ASXL1: variants seen among roughly 807,000 people sequenced by gnomAD.
The protein encoded by ASXL1 is polycomb group protein ASXL1.
ASXL1 carries 65 observed loss-of-function variants against 89.1 expected under a neutral mutation model. The observed-to-expected ratio is 0.73, with a 90% CI of 0.60 to 0.90. The LOEUF (loss-of-function observed/expected upper bound fraction) is 0.90, where lower values mean the gene tolerates loss of function less well. Ranked by LOEUF, ASXL1 falls within the 40% of genes least tolerant of loss-of-function variation. ASXL1 has a pLI of 0.00. For synonymous variants in ASXL1, 739 were observed against 746.9 expected (o/e 0.99, Z 0.17); for missense variants, 1,786 against 1,942.9 (o/e 0.92, Z 1.52).
At chr20:32,389,578 C>T (rs2048636621) in intron 4 of ASXL1, among the ~76,000 whole-genome samples, 1 of 152,094 alleles carries the variant, frequency 6.6e-6, no homozygotes, top group Non-Finnish European at 1.5e-5. Context: ...TACCACCGCC[C>T]CCCTGCCCCG....
Position 32,429,525 on chromosome 20 carries a change from T to TA in ASXL1, c.565+95dup, listed in dbSNP as rs2011454173. ...AGTTTCTGACCTAATAGTGCGATAC[T>TA]AGGAGAGCTGTCGGGCCACAGGCAA... On this transcript the variant is annotated intron_variant, in intron 7 of 12. Coordinates refer to ENST00000375687, the MANE Select transcript of ASXL1 (RefSeq NM_015338.6). The surrounding 1 kb of genome is among the most constrained non-coding windows in gnomAD (Gnocchi z 4.9). The TA allele has an allele frequency of 2.1e-5, 28 of 1,313,042 alleles. No individual in the cohort carries two copies. The highest frequency in any genetic ancestry group is 1.2e-4 in the African/African-American group (8 of 68,704). 81.3% of individuals were successfully genotyped at this position (1,313,042 alleles called of 1,614,324 possible). A position where few individuals can be genotyped will look rare whatever the true frequency, so the allele number is the denominator to read the frequency against.
chr20:32,368,364 G>A (rs950466609), intron 3 of ASXL1, among the ~76,000 whole-genome samples: 3 of 152,084 alleles, frequency 2.0e-5, no homozygotes, highest in African/African-American at 7.2e-5. Flanking sequence ...CATTGTTTCA[G>A]TTTATTTTTT....
intron 4 of ASXL1, among the ~76,000 whole-genome samples, chr20:32,381,646 C>T (rs986736924): frequency 3.3e-5 from 5 of 151,572 alleles, no homozygotes; most frequent in African/African-American, 1.2e-4. Flanking sequence ...TCCTGAGTAG[C>T]TGGGACTACA....
At position 32,436,172 on chromosome 20, in the gene ASXL1, G is replaced by T. The variant is rs199571804; in HGVS notation, c.3460G>T (p.Gly1154Cys). The change falls in exon 13 of 13, where the codon GGT becomes TGT. Residue 1154 changes from glycine (G) to cysteine (C), a missense_variant. By Grantham distance (159) the Gly-to-Cys change is radical. Transcript: ENST00000375687. ...CTCGCTACGCATGGGATCTTTACATGGTCTTGGAAAAAACAGTGGCATGGT... is the reference window on the plus strand; with the variant it reads ...CTCGCTACGCATGGGATCTTTACATTGTCTTGGAAAAAACAGTGGCATGGT... ...HGSLRMGSLH[G>C]LGKNSGMVDG... 6.2e-7 allele frequency: 1 copy of T among 1,614,082 alleles called. No individual in the cohort carries two copies. The highest frequency in any genetic ancestry group is 8.5e-7 in the Non-Finnish European group (1 of 1,180,042).
At chr20:32,366,537 TG>T in intron 2 of ASXL1, 71 bp downstream of exon 2, 1 of 1,610,958 alleles carries the variant, frequency 6.2e-7, no homozygotes, top group Non-Finnish European at 8.5e-7. Context: ...TGTAGTGATA[TG>T]AGTAAGTACA....
At chr20:32,376,183 G>A (rs1435366622) in intron 4 of ASXL1, among the ~76,000 whole-genome samples, 1 of 152,116 alleles carries the variant, frequency 6.6e-6, no homozygotes, top group Non-Finnish European at 1.5e-5. Context: ...GGCTAGTTTG[G>A]TGAGTGTCTT....
intron 1 of ASXL1, among the ~76,000 whole-genome samples, chr20:32,363,042 TAAAAA>T (rs534781770): frequency 6.7e-6 from 1 of 148,348 alleles, no homozygotes; most frequent in Admixed American, 6.7e-5. Context: ...AAGAGATACT[TAAAAA>T]AAAAAATGTA....
intron 4 of ASXL1, among the ~76,000 whole-genome samples, chr20:32,374,380 A>G (rs1354421861): frequency 1.3e-5 from 2 of 151,814 alleles, no homozygotes; most frequent in Admixed American, 1.3e-4. Context: ...TACAACCTTG[A>G]GCGCCTGGGC....
At chr20:32,402,764 A>G (rs2048896833) in intron 4 of ASXL1, among the ~76,000 whole-genome samples, 1 of 152,098 alleles carries the variant, frequency 6.6e-6, no homozygotes, top group Non-Finnish European at 1.5e-5. Flanking sequence ...TCTTTGGTGT[A>G]GTTTATGTTC....
At chr20:32,397,250 CTTTTTTTTTTTTTT>C (rs71187116) in intron 4 of ASXL1, among the ~76,000 whole-genome samples, 7 of 6,982 alleles carry the variant, frequency 1.0e-3, no homozygotes, top group East Asian at 6.7e-3. Context: ...CCATGCCTGG[CTTTTTTTTTTTTTT>C]TTTTTTTTTT....
At chr20:32,397,249 G>GGTTT (rs1480616920) in intron 4 of ASXL1, among the ~76,000 whole-genome samples, 1 of 29,938 alleles carries the variant, frequency 3.3e-5, no homozygotes, top group Non-Finnish European at 6.7e-5. Context: ...ACCATGCCTG[G>GGTTT]CTTTTTTTTT....
At position 32,438,259 on chromosome 20, in the gene ASXL1, T is replaced by C. The variant is rs770860269; in HGVS notation, c.*921T>C. 154 of 233,586 alleles carry C rather than the reference T, an allele frequency of 6.6e-4. 2 individuals carry two copies. The highest frequency in any genetic ancestry group is 4.5e-4 in the Admixed American group (8 of 17,786). The allele number at this position is 233,586 out of a possible 1,614,324, so 14.5% of individuals were successfully genotyped here. ...GTGAACTTTTTGGCTTCTGTAAGTA[T>C]GCTCTATGCACCTCTAATGTTTTAT... On this transcript the variant is annotated 3_prime_UTR_variant, in exon 13 of 13. Transcript: ENST00000375687.
At position 32,429,777 on chromosome 20, in the gene ASXL1, G is replaced by A; in HGVS notation, c.566-124G>A. 1 of 1,345,672 alleles carries A rather than the reference G, an allele frequency of 7.4e-7. No individual in the cohort carries two copies. The highest frequency in any genetic ancestry group is 1.0e-6 in the Non-Finnish European group (1 of 983,532). 83.4% of individuals were successfully genotyped at this position (1,345,672 alleles called of 1,614,324 possible). A position where few individuals can be genotyped will look rare whatever the true frequency, so the allele number is the denominator to read the frequency against. On this transcript the variant is annotated intron_variant, in intron 7 of 12. Transcript: ENST00000375687. This position sits in a 1 kb window ranked among gnomAD's most constrained non-coding sequence, Gnocchi z 4.9. Reference sequence around the variant, plus strand: ...TGGTGGTTTCTCTCAGCCTAAGGCTGGGAGATGGAAGCATCCCAGTATTGC... The same window carrying A: ...TGGTGGTTTCTCTCAGCCTAAGGCTAGGAGATGGAAGCATCCCAGTATTGC...
chr20:32,402,136 A>T (rs1011489910), intron 4 of ASXL1, among the ~76,000 whole-genome samples: 2 of 152,190 alleles, frequency 1.3e-5, no homozygotes, highest in African/African-American at 4.8e-5. Flanking sequence ...TCCAAGTCCT[A>T]TGTATTAACA....
At chr20:32,387,882 G>T (rs1296481595) in intron 4 of ASXL1, among the ~76,000 whole-genome samples, 2 of 152,156 alleles carry the variant, frequency 1.3e-5, no homozygotes, top group Admixed American at 1.3e-4. Context: ...AAACCAACCT[G>T]TTCCACCCTT....
At chr20:32,365,403 C>T (rs2048188348) in intron 1 of ASXL1, among the ~76,000 whole-genome samples, 1 of 152,132 alleles carries the variant, frequency 6.6e-6, no homozygotes, top group African/African-American at 2.4e-5. Flanking sequence ...GTACCTTCCG[C>T]AGCAGACCTA....
chr20:32,437,766 G>A lies in ASXL1; in HGVS notation c.*428G>A. 1 of 286,996 alleles carries A rather than the reference G, an allele frequency of 3.5e-6. No individual in the cohort carries two copies. The highest frequency in any genetic ancestry group is 4.7e-5 in the Admixed American group (1 of 21,362). 17.8% of individuals were successfully genotyped at this position (286,996 alleles called of 1,614,324 possible). On this transcript the variant is annotated 3_prime_UTR_variant, in exon 13 of 13. Coordinates refer to ENST00000375687, the MANE Select transcript of ASXL1 (RefSeq NM_015338.6). ...CTGCCATCTTTTCTTCTGCTACTTT[G>A]GGGAGTTGATGGCCAGGAAAGAAGC...
At chr20:32,387,229 T>C (rs2122967031) in intron 4 of ASXL1, among the ~76,000 whole-genome samples, 1 of 152,220 alleles carries the variant, frequency 6.6e-6, no homozygotes, top group East Asian at 1.9e-4. Context: ...TCACTGGAAC[T>C]GGGAGACAGG....
At chr20:32,392,751 G>A (rs1350875615) in intron 4 of ASXL1, among the ~76,000 whole-genome samples, 1 of 151,988 alleles carries the variant, frequency 6.6e-6, no homozygotes, top group Non-Finnish European at 1.5e-5. Flanking sequence ...TTATTTAGAA[G>A]TGTGATATTA....
Sources: gnomAD v4.1 joint callset for allele counts (sites outside exome capture counted in the v4.1 genomes callset) on GRCh38, gnomAD v4.1.1 for gene constraint, Gnocchi (gnomAD v3.1) non-coding constraint, MANE v1.5 for transcripts, NCBI Gene and HGNC (gene_info 2026-07-23, HGNC 2026-07-21) for gene names.